The following VIRMA variants were observed in gnomAD, a reference collection of about 807,000 sequenced individuals.
VIRMA encodes protein virilizer homolog.
In VIRMA, 65 loss-of-function variants were observed where a neutral mutation model predicts 182.4. The observed-to-expected ratio is 0.36, with a 90% CI of 0.29 to 0.44. VIRMA has a LOEUF of 0.44. VIRMA is among the 20% of genes least tolerant of loss of function. The probability of loss-of-function intolerance (pLI) is 1.00; values close to 1 mark genes in which losing one functional copy is unlikely to be tolerated. For missense variants in VIRMA, 1,752 were observed against 2,158.1 expected (o/e 0.81, Z 3.73); for synonymous variants, 709 against 743.1 (o/e 0.95, Z 0.75).
At chr8:94,551,508 C>G (rs565363908) in intron 1 of VIRMA, among the ~76,000 whole-genome samples, 158 of 152,312 alleles carry the variant, frequency 1.0e-3, no homozygotes, top group Non-Finnish European at 1.9e-3. Context: ...CCCCTACTTC[C>G]TCCTTCAAGA....
intron 8 of VIRMA, among the ~76,000 whole-genome samples, chr8:94,523,645 T>C (rs1006272284): frequency 6.6e-6 from 1 of 152,056 alleles, no homozygotes; most frequent in Non-Finnish European, 1.5e-5. Flanking sequence ...ATTTCTTTTT[T>C]GAGACGGAGT....
At position 94,519,014 on chromosome 8, in the gene VIRMA, T is replaced by C; in HGVS notation, c.2484A>G (p.Leu828=). ...LEKNLQSLIT[L]MEYYSKEALG... is the part of the protein sequence containing the mutation. ...AGGCTTCTTTGGAATAGTACTCCAT[T>C]AGAGTAATAAGACTTTGGAGATTTT... is the stretch of plus-strand genomic sequence containing the variant. Residue 828 remains leucine, a synonymous_variant, in exon 9 of 24, where the codon CTA becomes CTG. Coordinates refer to ENST00000297591, the MANE Select transcript of VIRMA (RefSeq NM_015496.5). 6.2e-7 allele frequency: 1 copy of C among 1,613,148 alleles called. No individual in the cohort carries two copies. The highest frequency in any genetic ancestry group is 8.5e-7 in the Non-Finnish European group (1 of 1,179,694).
intron 22 of VIRMA, 122 bp from the exon 23 acceptor site, chr8:94,490,204 T>G (rs1813564592): frequency 2.7e-6 from 3 of 1,108,232 alleles, no homozygotes; most frequent in Non-Finnish European, 3.8e-6. Flanking sequence ...GCAAACTGAC[T>G]GTACTATATA....
intron 6 of VIRMA, among the ~76,000 whole-genome samples, chr8:94,529,917 G>A (rs1200336129): frequency 6.6e-6 from 1 of 152,162 alleles, no homozygotes; most frequent in Non-Finnish European, 1.5e-5. Flanking sequence ...TGGGATTACA[G>A]GCGTGAGCCA....
intron 16 of VIRMA, 117 bp downstream of exon 16, chr8:94,506,383 C>T (rs181346877): frequency 1.8e-4 from 120 of 653,468 alleles, no homozygotes; most frequent in Admixed American, 1.2e-3. Context: ...ATTTCTCCCA[C>T]GAAAGAAATC....
In VIRMA at chr8:94,491,667, A is replaced by G; in HGVS notation, c.5051T>C (p.Ile1684Thr). The G allele has an allele frequency of 6.2e-7, 1 of 1,614,176 alleles. No individual in the cohort carries two copies. The highest frequency in any genetic ancestry group is 8.5e-7 in the Non-Finnish European group (1 of 1,180,036). ...GCCTGAAAACCCACCACGGGAAGAA[A>G]TCTTCTGTGATACTTTGAGTGGCCG... is the stretch of plus-strand genomic sequence containing the variant. ...PKRPLKVSQK[I>T]SSRGGFSGNR... The change falls in exon 22 of 24, where the codon ATT becomes ACT. Residue 1684 changes from isoleucine to threonine, a missense_variant. Around this residue, in one of 11 missense-constraint regions of VIRMA, gnomAD observed 132 missense variants for 173.8 expected, o/e 0.76. Transcript: ENST00000297591.
intron 12 of VIRMA, 121 bp from the exon 13 acceptor site, chr8:94,511,850 TTA>T (rs1210917249): frequency 5.8e-5 from 40 of 689,154 alleles, no homozygotes; most frequent in Non-Finnish European, 7.3e-5. Context: ...ATGATTTTTA[TTA>T]TGACAAATAT....
intron 15 of VIRMA, among the ~76,000 whole-genome samples, chr8:94,509,193 G>A (rs1169532435): frequency 6.6e-6 from 1 of 152,088 alleles, no homozygotes; most frequent in Non-Finnish European, 1.5e-5. Flanking sequence ...CTGAGGTCAG[G>A]AGTTCAAGAC....
At chr8:94,549,590 G>C (rs1232728027) in intron 1 of VIRMA, among the ~76,000 whole-genome samples, 1 of 152,098 alleles carries the variant, frequency 6.6e-6, no homozygotes, top group Non-Finnish European at 1.5e-5. Flanking sequence ...ATAATCAGTT[G>C]CCATCCTGTC....
At chr8:94,553,088 G>A (rs1354600170) in intron 1 of VIRMA, among the ~76,000 whole-genome samples, 1 of 152,022 alleles carries the variant, frequency 6.6e-6, no homozygotes, top group Non-Finnish European at 1.5e-5. Flanking sequence ...GTAAACCTGA[G>A]AACCCTGATC....
chr8:94,517,018 C>T (rs1385995864), intron 10 of VIRMA, among the ~76,000 whole-genome samples: 4 of 152,056 alleles, frequency 2.6e-5, no homozygotes, highest in Non-Finnish European at 5.9e-5. Flanking sequence ...ATAAGGTTTC[C>T]CATAAATGTC....
chr8:94,538,186 A>T (rs937772616), intron 3 of VIRMA, 74 bp downstream of exon 3: 4 of 955,414 alleles, frequency 4.2e-6, no homozygotes, highest in Non-Finnish European at 5.1e-6. Context: ...CTTTTCTTCT[A>T]TCTAAAGAAT....
chr8:94,517,424 A>C (rs1205435432), intron 10 of VIRMA, among the ~76,000 whole-genome samples: 1 of 152,184 alleles, frequency 6.6e-6, no homozygotes, highest in African/African-American at 2.4e-5. Flanking sequence ...GCTGGTCTTG[A>C]ACTCCTGACC....
intron 8 of VIRMA, among the ~76,000 whole-genome samples, chr8:94,521,339 GATA>G (rs527628136): frequency 5.9e-5 from 9 of 152,198 alleles, no homozygotes; most frequent in African/African-American, 1.9e-4. Context: ...GTTTGCTGAG[GATA>G]ATGGCTTCCA....
chr8:94,488,827 C>T lies in VIRMA; in HGVS notation c.5318G>A (p.Arg1773Lys), dbSNP rs1813528527. The stretch of plus-strand genomic sequence containing the variant: ...GGAAGGTCCAAGTCCCCCACGACCT[C>T]TAGAAGCACGGTCCCGAGGACTTGG... ...YRPSPRDRAS[R>K]GRGGLGPSWA... Residue 1773 changes from arginine to lysine, a missense_variant, in exon 24 of 24, where the codon AGA (arginine) becomes AAA (lysine). By Grantham distance (26) the Arg-to-Lys change is conservative (BLOSUM62 2). Transcript: ENST00000297591. The T allele has an allele frequency of 6.2e-7, 1 of 1,614,070 alleles. No individual in the cohort carries two copies. The highest frequency in any genetic ancestry group is 1.7e-5 in the Admixed American group (1 of 60,004).
intron 15 of VIRMA, among the ~76,000 whole-genome samples, chr8:94,507,814 T>C (rs939515622): frequency 6.6e-6 from 1 of 151,582 alleles, no homozygotes; most frequent in Non-Finnish European, 1.5e-5. Flanking sequence ...GAAAGTTGGA[T>C]GGATAGAGGA....
chr8:94,519,953 C>A (rs1163330599), intron 8 of VIRMA, among the ~76,000 whole-genome samples: 1 of 152,042 alleles, frequency 6.6e-6, no homozygotes, highest in Non-Finnish European at 1.5e-5. Flanking sequence ...GTCACACTTA[C>A]AATCCCAAGC....
At chr8:94,537,807 T>C (rs1377008012) in intron 3 of VIRMA, among the ~76,000 whole-genome samples, 1 of 152,110 alleles carries the variant, frequency 6.6e-6, no homozygotes, top group African/African-American at 2.4e-5. Flanking sequence ...AAAAACTACC[T>C]AGCATGTACT....
intron 8 of VIRMA, among the ~76,000 whole-genome samples, chr8:94,524,477 G>A (rs1348564474): frequency 6.6e-6 from 1 of 151,524 alleles, no homozygotes; most frequent in Admixed American, 6.6e-5. Context: ...ACTAATTTTT[G>A]TATTTTTAGT....
Sources: gnomAD v4.1 joint callset for allele counts (sites outside exome capture counted in the v4.1 genomes callset) on GRCh38, gnomAD v4.1.1 for gene constraint, gnomAD v4.1.1 regional missense constraint, MANE v1.5 for transcripts, NCBI Gene and HGNC (gene_info 2026-07-23, HGNC 2026-07-21) for gene names.